PNKD: variants seen among roughly 807,000 people sequenced by gnomAD.
PNKD encodes probable thioesterase PNKD.
A neutral mutation model predicts 45.3 loss-of-function variants in PNKD; 36 were observed. That is an observed-to-expected ratio of 0.80 (90% CI 0.61 to 1.05). The LOEUF is 1.05. Ranked by LOEUF, PNKD falls within the 50% of genes least tolerant of loss-of-function variation. PNKD has a pLI of 0.00. For missense variants in PNKD, 511 were observed against 506.6 expected, an observed-to-expected ratio of 1.01 and a Z score of -0.08; for synonymous variants, 197 against 210.1, an observed-to-expected ratio of 0.94 and a Z score of 0.54.
intron 2 of PNKD, among the ~76,000 whole-genome samples, chr2:218,301,047 A>G (rs867051836): frequency 1.1e-4 from 17 of 152,182 alleles, no homozygotes; most frequent in African/African-American, 4.1e-4. Flanking sequence ...TTATTTTATT[A>G]TTGTTTTATT....
At chr2:218,305,458 G>A (rs1047603687) in intron 2 of PNKD, among the ~76,000 whole-genome samples, 4 of 152,036 alleles carry the variant, frequency 2.6e-5, no homozygotes, top group South Asian at 2.1e-4. Context: ...TCAAGCAATC[G>A]TCTTGCCTCA....
In PNKD at chr2:218,282,282, G is replaced by C; in HGVS notation, c.236+10733G>C. ...CTTGTCCAGGCTGCCTCCGTGGAGA[G>C]GAACACCACCTATTTTCTCCTTAGA... On this transcript the variant is annotated intron_variant, in intron 2 of 9. Transcript: ENST00000273077. 4.6e-6 allele frequency: 3 copies of C among 651,578 alleles called. 1 individual carries two copies. The South Asian group carries it at 7.2e-5, about 16-fold the overall frequency. The allele number at this position is 651,578 out of a possible 1,614,324, so 40.4% of individuals were successfully genotyped here.
intron 2 of PNKD, among the ~76,000 whole-genome samples, chr2:218,273,275 GTTTT>G (rs1371065640): frequency 6.6e-6 from 1 of 151,932 alleles, no homozygotes; most frequent in East Asian, 1.9e-4. Context: ...TTTGTTTTTT[GTTTT>G]TTGTTTTTTG....
chr2:218,345,394 A>C lies in PNKD; in HGVS notation c.*413A>C. On this transcript the variant is annotated 3_prime_UTR_variant, in exon 10 of 10. Transcript: ENST00000273077. ...GGTCCATCTTGCCCTTCCCCCATCC[A>C]TGGTTGGGAAAGAAGCTCAGCCCCT... 1 of 178,290 alleles carries C rather than the reference A, an allele frequency of 5.6e-6. No homozygotes were observed. The highest frequency in any genetic ancestry group is 5.5e-5 in the Admixed American group (1 of 18,086). The allele number at this position is 178,290 out of a possible 1,614,324, so 11.0% of individuals were successfully genotyped here. A position where few individuals can be genotyped will look rare whatever the true frequency, so the allele number is the denominator to read the frequency against.
chr2:218,329,133 T>C (rs910024965), intron 2 of PNKD, among the ~76,000 whole-genome samples: 1 of 152,128 alleles, frequency 6.6e-6, no homozygotes, highest in Non-Finnish European at 1.5e-5. Flanking sequence ...CGCTTCAAAC[T>C]GGGAGGCAGA....
intron 2 of PNKD, among the ~76,000 whole-genome samples, chr2:218,321,079 G>A (rs1693973672): frequency 6.6e-6 from 1 of 152,020 alleles, no homozygotes; most frequent in South Asian, 2.1e-4. Context: ...TAATTGTCTG[G>A]CTTGAGATTT....
intron 2 of PNKD, among the ~76,000 whole-genome samples, chr2:218,319,371 C>CTTTTTTTTTTTTTT (rs35553031): frequency 4.7e-4 from 38 of 80,180 alleles, no homozygotes; most frequent in East Asian, 1.6e-3. Context: ...TCTTGTTTGT[C>CTTTTTTTTTTTTTT]TTTTTTTTTT....
chr2:218,337,095 C>T (rs1475833222), intron 2 of PNKD, among the ~76,000 whole-genome samples: 1 of 151,336 alleles, frequency 6.6e-6, no homozygotes. Context: ...CCACTGCACC[C>T]AGCCTTCAAT....
chr2:218,336,962 G>A lies in PNKD; in HGVS notation c.237-2821G>A, dbSNP rs536682401. On this transcript the variant is annotated intron_variant, in intron 2 of 9. Transcript: ENST00000273077. ...TTACAGGCGCCCACCACCACACCCTGTTAATTTTTGTATTTTTAGCAGAGA... is the reference window on the plus strand; with the variant it reads ...TTACAGGCGCCCACCACCACACCCTATTAATTTTTGTATTTTTAGCAGAGA... Among the ~76,000 whole-genome samples the A allele has an allele frequency of 7.9e-5, 12 of 151,798 alleles. No individual in the cohort carries two copies. The East Asian group carries it at 1.9e-3, about 25-fold the overall frequency.
rs1276382164 is a variant in PNKD at position 218,279,045 on chromosome 2, C to T, written c.236+7496C>T. 5 of 1,614,142 alleles carry T rather than the reference C, an allele frequency of 3.1e-6. No homozygotes were observed. Among genetic ancestry groups the T allele is most frequent in the Admixed American group, 3.3e-5 (2 of 60,020 alleles). On this transcript the variant is annotated intron_variant, in intron 2 of 9. Coordinates refer to ENST00000273077, the MANE Select transcript of PNKD (RefSeq NM_015488.5). ...AGAGGAGCACACACTCACTAGGACA[C>T]GTAGTAGACAGCCACATTTCTCCTC...
intron 2 of PNKD, chr2:218,280,807 T>A (rs919728650): frequency 1.5e-5 from 2 of 137,584 alleles, no homozygotes; most frequent in African/African-American, 2.7e-5. Flanking sequence ...CTCATTTCCT[T>A]TTTTTTTTTT....
In PNKD at chr2:218,315,014, T is replaced by C. The variant is rs541178108; in HGVS notation, c.237-24769T>C. ...TGAGGTTTTCTTTCTTTCTTTCTTT[T>C]TCTTTCTTTCTTTCTTTCTTTCTTT... On this transcript the variant is annotated intron_variant, in intron 2 of 9. Coordinates refer to ENST00000273077, the MANE Select transcript of PNKD (RefSeq NM_015488.5). Among the ~76,000 whole-genome samples the C allele has an allele frequency of 8.8e-3, 11 of 1,248 alleles. No homozygotes were observed. The South Asian group carries it at 0.22, about 25-fold the overall frequency. 0.8% of individuals were successfully genotyped at this position (1,248 alleles called of 152,430 possible).
At chr2:218,284,713 T>C (rs1301785817) in intron 2 of PNKD, among the ~76,000 whole-genome samples, 1 of 152,264 alleles carries the variant, frequency 6.6e-6, no homozygotes, top group Non-Finnish European at 1.5e-5. Flanking sequence ...CAACTCACTA[T>C]GCCTCAGTTT....
intron 2 of PNKD, among the ~76,000 whole-genome samples, chr2:218,298,382 C>T (rs1693197231): frequency 6.6e-6 from 1 of 152,144 alleles, no homozygotes; most frequent in African/African-American, 2.4e-5. Flanking sequence ...CACCAGCAAG[C>T]TTTGGTGATA....
chr2:218,323,373 C>T, intron 2 of PNKD: 1 of 1,580,356 alleles, frequency 6.3e-7, no homozygotes, highest in South Asian at 1.1e-5. Context: ...CTGCCGAGCG[C>T]GGCGGGGCCT....
intron 2 of PNKD, chr2:218,279,530 C>G (rs544027017): frequency 1.8e-6 from 1 of 560,122 alleles, no homozygotes; most frequent in African/African-American, 1.9e-5. Flanking sequence ...TCCTCAGCCC[C>G]GCTCCCATGC....
chr2:218,279,929 ATGG>A (rs1691696140), intron 2 of PNKD: 7 of 885,436 alleles, frequency 7.9e-6, no homozygotes, highest in Non-Finnish European at 1.3e-5. Flanking sequence ...AGTGTATTTC[ATGG>A]AATTGATGCC....
intron 2 of PNKD, chr2:218,274,879 A>T (rs1470677278): frequency 6.5e-6 from 1 of 153,200 alleles, no homozygotes; most frequent in Non-Finnish European, 1.5e-5. Context: ...TAACCCAGAT[A>T]AACAATACAT....
chr2:218,278,692 G>A (rs953188609), intron 2 of PNKD: 7 of 1,017,108 alleles, frequency 6.9e-6, no homozygotes, highest in Non-Finnish European at 3.0e-6. Context: ...TCAACAGGAA[G>A]CAAGAACGAG....
Sources: allele counts gnomAD v4.1 joint callset (sites outside exome capture counted in the v4.1 genomes callset), GRCh38; gene constraint gnomAD v4.1.1; transcripts MANE v1.5; gene names NCBI Gene and HGNC (gene_info 2026-07-23, HGNC 2026-07-21).